GRB2: variants seen among roughly 807,000 people sequenced by gnomAD.
GRB2 encodes growth factor receptor-bound protein 2.
In GRB2, 2 loss-of-function variants were observed where a neutral mutation model predicts 27.4. That is an observed-to-expected ratio of 0.07 (90% confidence interval 0.03 to 0.23). The LOEUF is 0.23. GRB2 is among the 10% of genes least tolerant of loss of function. The pLI is 1.00. For synonymous variants in GRB2, 94 were observed against 99.6 expected (o/e 0.94, Z 0.33); for missense variants, 102 against 282.4 (o/e 0.36, Z 4.58).
At chr17:75,403,661 G>A (rs2145880145) in intron 1 of GRB2, among the ~76,000 whole-genome samples, 1 of 152,242 alleles carries the variant, frequency 6.6e-6, no homozygotes, top group South Asian at 2.1e-4. Context: ...CTACTCGGGA[G>A]TGCGAGGCAG....
At chr17:75,358,700 TAAAA>T (rs71159497) in intron 2 of GRB2, among the ~76,000 whole-genome samples, 2 of 66,284 alleles carry the variant, frequency 3.0e-5, no homozygotes, top group East Asian at 8.6e-4. Context: ...CCATCTCTAC[TAAAA>T]AAAAAAAAAA....
intron 2 of GRB2, among the ~76,000 whole-genome samples, chr17:75,357,876 G>C (rs1044665148): frequency 2.6e-5 from 4 of 151,854 alleles, no homozygotes; most frequent in African/African-American, 9.7e-5. Flanking sequence ...AGCCAAGATC[G>C]CGCCACTGCA....
chr17:75,336,710 A>C (rs1265869019), intron 2 of GRB2, among the ~76,000 whole-genome samples: 1 of 152,176 alleles, frequency 6.6e-6, no homozygotes, highest in Non-Finnish European at 1.5e-5. Flanking sequence ...AAGAAGGAAA[A>C]TATGGAATTA....
intron 2 of GRB2, among the ~76,000 whole-genome samples, chr17:75,362,343 T>C (rs2078788413): frequency 6.6e-6 from 1 of 152,196 alleles, no homozygotes; most frequent in Non-Finnish European, 1.5e-5. Flanking sequence ...TACTGTACTG[T>C]TTATCTGTGC....
chr17:75,363,582 G>A (rs146972860), intron 2 of GRB2, among the ~76,000 whole-genome samples: 2,051 of 152,180 alleles, frequency 0.013, 30 homozygotes, highest in Middle Eastern at 0.02. Flanking sequence ...CTAGCGGGCC[G>A]GGCATGGTGG....
chr17:75,363,159 C>T (rs1387993213), intron 2 of GRB2, among the ~76,000 whole-genome samples: 2 of 152,112 alleles, frequency 1.3e-5, no homozygotes, highest in African/African-American at 2.4e-5. Flanking sequence ...ATTTTCCATC[C>T]CATAGATCTC....
intron 1 of GRB2, among the ~76,000 whole-genome samples, chr17:75,404,452 G>A (rs1242090291): frequency 1.4e-5 from 2 of 145,856 alleles, no homozygotes; most frequent in African/African-American, 5.1e-5. Flanking sequence ...CTTGAAATGA[G>A]AGAAAACGAA....
In GRB2 at chr17:75,319,447, CT is replaced by C. The variant is rs35802432; in HGVS notation, c.*920del. 5,028 of 134,218 alleles carry C rather than the reference CT, an allele frequency of 0.037. 77 individuals carry two copies. The highest frequency in any genetic ancestry group is 0.042 in the Non-Finnish European group (2,572 of 61,886). The allele number at this position is 134,218 out of a possible 1,614,324, so 8.3% of individuals were successfully genotyped here. On this transcript the variant is annotated 3_prime_UTR_variant, in exon 6 of 6. Transcript: ENST00000316804. ...GGAAAGAGACAGGCTTTCAGGTGGG[CT>C]TTTTTTTTTTTTTTTTGAGACGGAA...
In GRB2 at chr17:75,320,125, G is replaced by A; in HGVS notation, c.*243C>T. 1 of 441,258 alleles carries A rather than the reference G, an allele frequency of 2.3e-6. No homozygotes were observed. The highest frequency in any genetic ancestry group is 4.1e-6 in the Non-Finnish European group (1 of 241,384). 27.3% of individuals were successfully genotyped at this position (441,258 alleles called of 1,614,324 possible). A position where few individuals can be genotyped will look rare whatever the true frequency, so the allele number is the denominator to read the frequency against. On this transcript the variant is annotated 3_prime_UTR_variant, in exon 6 of 6. Transcript: ENST00000316804. This position sits in a 1 kb window ranked among gnomAD's most constrained non-coding sequence, Gnocchi z 4.3. ...GAAAAAAAAGACAAAGGAGGGGAAA[G>A]AGGAGCAGCAGTGAAAATTTGTAAT...
chr17:75,364,937 A>G lies in GRB2; in HGVS notation c.78+28614T>C, dbSNP rs369102233. ...TTACTTAGGTCAATTCTCACAGGGA[A>G]AAAGCATCTCTCATTTTTCAGAAGA... is the stretch of plus-strand genomic sequence containing the variant. On this transcript the variant is annotated intron_variant, in intron 2 of 5. Coordinates refer to ENST00000316804, the MANE Select transcript of GRB2 (RefSeq NM_002086.5). 1.7e-3 allele frequency among the ~76,000 whole-genome samples: 252 copies of G among 152,260 alleles called. 8 individuals are homozygous for G. In the South Asian group the frequency reaches 0.048, roughly 29 times the overall value.
At chr17:75,325,553 A>C (rs1285828247) in intron 4 of GRB2, among the ~76,000 whole-genome samples, 1 of 152,202 alleles carries the variant, frequency 6.6e-6, no homozygotes, top group Admixed American at 6.5e-5. Flanking sequence ...AGGCAAGCCA[A>C]GGCAGCCGAC....
At chr17:75,350,658 AT>A (rs1257806395) in intron 2 of GRB2, among the ~76,000 whole-genome samples, 3 of 151,946 alleles carry the variant, frequency 2.0e-5, no homozygotes, top group Non-Finnish European at 2.9e-5. Flanking sequence ...CGCGCAGCTA[AT>A]TTTTTTGTAT....
rs1567872231 is a variant in GRB2 at position 75,378,314 on chromosome 17, C to CT, written c.78+15236_78+15237insA. 2.0e-5 allele frequency among the ~76,000 whole-genome samples: 3 copies of CT among 152,148 alleles called. No homozygotes were observed. The East Asian group carries it at 5.8e-4, about 29-fold the overall frequency. On this transcript the variant is annotated intron_variant, in intron 2 of 5. Transcript: ENST00000316804. ...CTGAGGCAGGAGAATCACAGGAGGG[C>CT]GGAGGTTGTAGTGAGCTGAGATCTC...
At chr17:75,336,727 T>C (rs2078579706) in intron 2 of GRB2, among the ~76,000 whole-genome samples, 1 of 152,242 alleles carries the variant, frequency 6.6e-6, no homozygotes. Context: ...ATTAATGCTT[T>C]TAAAAATGTA....
At chr17:75,342,361 C>G (rs2078626843) in intron 2 of GRB2, among the ~76,000 whole-genome samples, 1 of 152,084 alleles carries the variant, frequency 6.6e-6, no homozygotes. Context: ...GGGCTTTGTT[C>G]TAAGTGTTCT....
intron 2 of GRB2, among the ~76,000 whole-genome samples, chr17:75,387,151 C>T (rs1239843369): frequency 6.7e-6 from 1 of 149,790 alleles, no homozygotes; most frequent in Non-Finnish European, 1.5e-5. Context: ...AGGGACAGAG[C>T]GAGACTCCAT....
At chr17:75,388,898 A>G (rs1222528480) in intron 2 of GRB2, among the ~76,000 whole-genome samples, 2 of 152,180 alleles carry the variant, frequency 1.3e-5, no homozygotes, top group Non-Finnish European at 2.9e-5. Context: ...TTCCTTTCTT[A>G]GGAGACTTAT....
intron 1 of GRB2, among the ~76,000 whole-genome samples, chr17:75,398,260 C>T (rs1278902214): frequency 6.6e-6 from 1 of 152,036 alleles, no homozygotes; most frequent in Admixed American, 6.6e-5. Flanking sequence ...TTTGAGTAAA[C>T]ACACTTTTAT....
At chr17:75,321,584 C>T in intron 5 of GRB2, 75 bp downstream of exon 5, 1 of 1,406,720 alleles carries the variant, frequency 7.1e-7, no homozygotes, top group Non-Finnish European at 9.9e-7. Flanking sequence ...GGGCGCCTCC[C>T]CTTTCCTACA....
Sources: gnomAD v4.1 joint callset for allele counts (sites outside exome capture counted in the v4.1 genomes callset) on GRCh38, gnomAD v4.1.1 for gene constraint, Gnocchi (gnomAD v3.1) non-coding constraint, MANE v1.5 for transcripts, NCBI Gene and HGNC (gene_info 2026-07-23, HGNC 2026-07-21) for gene names.